KASH5: variants seen among roughly 807,000 people sequenced by gnomAD.
The protein encoded by KASH5 is protein KASH5.
Under a neutral mutation model 84.2 loss-of-function variants are expected in KASH5, and 72 were observed. The ratio of observed to expected loss-of-function variants is 0.85; its 90% CI spans 0.71 to 1.04. The LOEUF is 1.04. KASH5 is among the 50% of genes least tolerant of loss of function. The pLI is 0.00. For synonymous variants in KASH5, 260 were observed against 279.1 expected (o/e 0.93, Z 0.68); for missense variants, 650 against 701.0 (o/e 0.93, Z 0.82).
intron 1 of KASH5, chr19:49,390,218 C>G (rs1254497937): frequency 6.6e-6 from 1 of 152,318 alleles, no homozygotes; most frequent in Admixed American, 6.5e-5. Context: ...CCTCGCTTCC[C>G]GGAAGAGGCC....
intron 10 of KASH5, 56 bp downstream of exon 10, chr19:49,407,019 C>T: frequency 6.6e-7 from 1 of 1,520,166 alleles, no homozygotes. Context: ...CCATTTTTCC[C>T]ATTTCCGGTT....
chr19:49,415,128 C>CTTGTTATCTCTTGGCCA, intron 17 of KASH5, 132 bp downstream of exon 17: 2 of 863,904 alleles, frequency 2.3e-6, no homozygotes, highest in Non-Finnish European at 3.8e-6. Context: ...ATCATTTGGC[C>CTTGTTATCTCTTGGCCA]AAGAGATAAC....
intron 15 of KASH5, among the ~76,000 whole-genome samples, chr19:49,410,424 G>T (rs951612070): frequency 2.0e-5 from 3 of 151,192 alleles, no homozygotes; most frequent in African/African-American, 7.3e-5. Context: ...TCCTGGATAA[G>T]CAATCCTCCC....
At chr19:49,407,839 A>G (rs1974581564) in intron 12 of KASH5, among the ~76,000 whole-genome samples, 168 bp downstream of exon 12, 1 of 151,746 alleles carries the variant, frequency 6.6e-6, no homozygotes, top group South Asian at 2.1e-4. Context: ...CTGTTTCTGT[A>G]TCTGCCTTTT....
At chr19:49,393,682 CGTGTGTGTGTGTGTGTGTGTGTGTGTGT>C (rs34539350) in intron 2 of KASH5, 1 of 142,432 alleles carries the variant, frequency 7.0e-6, no homozygotes, top group East Asian at 2.1e-4. Context: ...GACCCCAGGA[CGTGTGTGTGTGTGTGTGTGTGTGTGTGT>C]GTGTGTGTGT....
In KASH5 at chr19:49,414,872, G is replaced by A; in HGVS notation, c.1329-79G>A. On this transcript the variant is annotated intron_variant, in intron 16 of 19. Transcript: ENST00000447857. The surrounding 1 kb of genome is among the most constrained non-coding windows in gnomAD (Gnocchi z 4.5). ...CTGTGCTAAGACCCCCTGCTCCAAG[G>A]CTTCTCTCCCAGCCCATAGTAGGCA... 3 of 1,540,544 alleles carry A rather than the reference G, an allele frequency of 1.9e-6. No homozygotes were observed. The highest frequency in any genetic ancestry group is 2.4e-5 in the South Asian group (2 of 84,464).
chr19:49,408,311 G>C (rs1209254823), intron 12 of KASH5: 1 of 157,578 alleles, frequency 6.3e-6, no homozygotes, highest in Non-Finnish European at 1.4e-5. Flanking sequence ...AGTCTTCTCT[G>C]TTTGGCTCTG....
At chr19:49,403,681 CAG>C (rs543033961) in intron 9 of KASH5, among the ~76,000 whole-genome samples, 4 of 152,212 alleles carry the variant, frequency 2.6e-5, no homozygotes, top group Non-Finnish European at 5.9e-5. Context: ...TGCCCTCAGA[CAG>C]AGAGAGTAGA....
At chr19:49,410,700 C>A (rs914270612) in intron 15 of KASH5, among the ~76,000 whole-genome samples, 1 of 152,104 alleles carries the variant, frequency 6.6e-6, no homozygotes, top group African/African-American at 2.4e-5. Context: ...GTTGGCCAGG[C>A]TGGTCTTGAA....
At chr19:49,404,741 C>T (rs1974469791) in intron 9 of KASH5, among the ~76,000 whole-genome samples, 3 of 152,270 alleles carry the variant, frequency 2.0e-5, no homozygotes, top group South Asian at 4.1e-4. Context: ...CTCTCTACTC[C>T]TTTATAAAAT....
In KASH5 at chr19:49,395,880, C is replaced by T. The variant is rs1046930096; in HGVS notation, c.400+47C>T. The T allele has an allele frequency of 3.3e-6, 5 of 1,494,442 alleles. No homozygotes were observed. The highest frequency in any genetic ancestry group is 1.4e-5 in the African/African-American group (1 of 72,142). The allele number at this position is 1,494,442 out of a possible 1,614,324, so 92.6% of individuals were successfully genotyped here. On this transcript the variant is annotated intron_variant, in intron 5 of 19. Coordinates refer to ENST00000447857, the MANE Select transcript of KASH5 (RefSeq NM_144688.5). This position sits in a 1 kb window ranked among gnomAD's most constrained non-coding sequence, Gnocchi z 4.4. ...TGAAGCAGGCAGGCCCTGGGTCAGACAGTGTGGGGACTTACCACCCAGGGC... is the reference window on the plus strand; with the variant it reads ...TGAAGCAGGCAGGCCCTGGGTCAGATAGTGTGGGGACTTACCACCCAGGGC...
Position 49,395,677 on chromosome 19 carries a change from C to T in KASH5, c.336-92C>T. On this transcript the variant is annotated intron_variant, in intron 4 of 19. Transcript: ENST00000447857. The surrounding 1 kb of genome is among the most constrained non-coding windows in gnomAD (Gnocchi z 4.4). ...GGTGCCAGCTCTCACCTGACCCGGT[C>T]CCCTCCTCCCACCTGCAATCCCCCT... 1.5e-6 allele frequency: 2 copies of T among 1,314,852 alleles called. No homozygotes were observed. The highest frequency in any genetic ancestry group is 2.6e-5 in the South Asian group (2 of 77,660). The allele number at this position is 1,314,852 out of a possible 1,614,324, so 81.4% of individuals were successfully genotyped here.
chr19:49,409,127 C>G, intron 13 of KASH5, 69 bp from the exon 14 acceptor site: 1 of 1,590,554 alleles, frequency 6.3e-7, no homozygotes, highest in South Asian at 1.1e-5. Flanking sequence ...GGAAGGGAGG[C>G]CAGCATGAGC....
At chr19:49,390,121 A>G (rs1600886576) in intron 1 of KASH5, 1 of 152,292 alleles carries the variant, frequency 6.6e-6, no homozygotes, top group South Asian at 2.1e-4. Flanking sequence ...TCAGGATCAA[A>G]CTCCCATGAG....
intron 9 of KASH5, among the ~76,000 whole-genome samples, chr19:49,401,306 G>A (rs1256015091): frequency 6.6e-6 from 1 of 152,164 alleles, no homozygotes; most frequent in Non-Finnish European, 1.5e-5. Context: ...ATGGTGGGGA[G>A]ATGTGGCTTC....
At chr19:49,409,972 T>G in intron 15 of KASH5, 97 bp downstream of exon 15, 1 of 1,479,576 alleles carries the variant, frequency 6.8e-7, no homozygotes, top group South Asian at 1.2e-5. Flanking sequence ...CTTTTGCTTG[T>G]TCCCCATTTG....
At chr19:49,397,742 G>T (rs761870236) in intron 6 of KASH5, 25 bp downstream of exon 6, 2 of 1,611,308 alleles carry the variant, frequency 1.2e-6, no homozygotes, top group Admixed American at 3.3e-5. Context: ...ACCCCTCCCT[G>T]ACCCTCCTGC....
rs1367281176 is a variant in KASH5 at position 49,397,706 on chromosome 19, C to G, written c.456C>G (p.Pro152=). The change falls in exon 6 of 20, where the codon CCC becomes CCG. Residue 152 remains proline (P), a synonymous_variant. Transcript: ENST00000447857. ...TGGAGAGCTTCGGAGGCGAAGACCC[C>G]AGACCCGAGCTGTACCTATCCTCAC... The part of the protein sequence containing the change: ...ANLESFGGED[P]RPELQATADL... 9 of 1,613,654 alleles carry G rather than the reference C, an allele frequency of 5.6e-6. No homozygotes were observed. In the South Asian group the frequency reaches 9.9e-5, roughly 18 times the overall value.
intron 2 of KASH5, chr19:49,391,863 G>A (rs1360718393): frequency 6.6e-6 from 1 of 152,270 alleles, no homozygotes; most frequent in African/African-American, 2.4e-5. Flanking sequence ...CATCTGCCAA[G>A]TGAGAGAGCC....
Sources: gnomAD v4.1 joint callset for allele counts (sites outside exome capture counted in the v4.1 genomes callset) on GRCh38, gnomAD v4.1.1 for gene constraint, Gnocchi (gnomAD v3.1) non-coding constraint, MANE v1.5 for transcripts, NCBI Gene and HGNC (gene_info 2026-07-23, HGNC 2026-07-21) for gene names.